The following ZHX3 variants were observed in gnomAD, a reference collection of about 807,000 sequenced individuals.
ZHX3 encodes zinc fingers and homeoboxes protein 3.
In ZHX3, 20 loss-of-function variants were observed where a neutral mutation model predicts 64.5. That is an observed-to-expected ratio of 0.31 (90% CI 0.22 to 0.45). The LOEUF is 0.45. Among genes scored for constraint, ZHX3 ranks in the 20% least tolerant of loss-of-function variants. The probability of loss-of-function intolerance (pLI) is 1.00; values close to 1 mark genes in which losing one functional copy is unlikely to be tolerated. For missense variants in ZHX3, 1,041 were observed against 1,195.8 expected (o/e 0.87, Z 1.91); for synonymous variants, 423 against 461.6 (o/e 0.92, Z 1.07).
chr20:41,234,651 C>T (rs180724452), intron 2 of ZHX3, among the ~76,000 whole-genome samples: 1 of 152,340 alleles, frequency 6.6e-6, no homozygotes, highest in Admixed American at 6.5e-5. Flanking sequence ...AAGGGAAACC[C>T]AACCCGATTA....
At position 41,184,610 on chromosome 20, in the gene ZHX3, A is replaced by C; in HGVS notation, c.*581T>G. 5.3e-6 allele frequency: 2 copies of C among 379,302 alleles called. No individual in the cohort carries two copies. Among genetic ancestry groups the C allele is most frequent in the Non-Finnish European group, 4.9e-6 (1 of 205,738 alleles). The allele number at this position is 379,302 out of a possible 1,614,324, so 23.5% of individuals were successfully genotyped here. A position where few individuals can be genotyped will look rare whatever the true frequency, so the allele number is the denominator to read the frequency against. On this transcript the variant is annotated 3_prime_UTR_variant, in exon 4 of 4. Transcript: ENST00000683867. Reference sequence around the variant, plus strand: ...GTAGCCGGTCATCACTTAATGCAGCAGAGATCTCTTCAAAGGTACTGCTTC... The same window carrying C: ...GTAGCCGGTCATCACTTAATGCAGCCGAGATCTCTTCAAAGGTACTGCTTC...
intron 3 of ZHX3, among the ~76,000 whole-genome samples, chr20:41,197,719 C>T (rs989961598): frequency 6.6e-6 from 1 of 151,860 alleles, no homozygotes; most frequent in Non-Finnish European, 1.5e-5. Flanking sequence ...TTTAATATGT[C>T]TTATATGTTT....
At chr20:41,267,852 G>A (rs914025824) in intron 2 of ZHX3, among the ~76,000 whole-genome samples, 12 of 152,214 alleles carry the variant, frequency 7.9e-5, no homozygotes, top group Non-Finnish European at 1.3e-4. Context: ...AGACCAGTGT[G>A]ATGAAGCAGT....
chr20:41,272,996 A>C (rs1489298677), intron 1 of ZHX3, among the ~76,000 whole-genome samples: 3 of 152,156 alleles, frequency 2.0e-5, no homozygotes, highest in African/African-American at 7.2e-5. Flanking sequence ...CCACCAGCAA[A>C]GTACAAGGTT....
At chr20:41,217,729 C>T (rs1048923778) in intron 2 of ZHX3, among the ~76,000 whole-genome samples, 1 of 152,182 alleles carries the variant, frequency 6.6e-6, no homozygotes, top group Non-Finnish European at 1.5e-5. Flanking sequence ...TCCTCATAGT[C>T]TCCTGAATTG....
intron 2 of ZHX3, among the ~76,000 whole-genome samples, chr20:41,243,939 T>C (rs779221851): frequency 1.3e-5 from 2 of 151,994 alleles, no homozygotes; most frequent in African/African-American, 2.4e-5. Context: ...TAACAGAAGC[T>C]CTTAAACACA....
Position 41,201,247 on chromosome 20 carries a change from C to G in ZHX3, c.2860+810G>C. On this transcript the variant is annotated intron_variant, in intron 3 of 3. Transcript: ENST00000683867. The surrounding 1 kb of genome is among the most constrained non-coding windows in gnomAD (Gnocchi z 5.0). ...TGCTGCCATTTTGGAACCCCCAATC[C>G]CTTCAGCTTCTACAATACTCCGCCC... is the stretch of plus-strand genomic sequence containing the variant. 7.9e-7 allele frequency: 1 copy of G among 1,264,864 alleles called. No individual in the cohort carries two copies. The highest frequency in any genetic ancestry group is 2.7e-5 in the Admixed American group (1 of 37,696). 78.4% of individuals were successfully genotyped at this position (1,264,864 alleles called of 1,614,324 possible).
At chr20:41,230,570 A>G (rs2040542013) in intron 2 of ZHX3, among the ~76,000 whole-genome samples, 1 of 152,224 alleles carries the variant, frequency 6.6e-6, no homozygotes, top group South Asian at 2.1e-4. Flanking sequence ...TACAGACCAG[A>G]TTTCAAAGAC....
rs117680875 is a variant in ZHX3, at chr20:41,302,907, A to G, written c.-245+14602T>C. On this transcript the variant is annotated intron_variant, in intron 1 of 3. Coordinates refer to ENST00000683867, the MANE Select transcript of ZHX3 (RefSeq NM_001384317.1). ...CTATTACAGTAGCTAGTGTTTCTCTACACAATACAGGCTGAATTAAAATGG... is the reference window on the plus strand; with the variant it reads ...CTATTACAGTAGCTAGTGTTTCTCTGCACAATACAGGCTGAATTAAAATGG... 4.6e-5 allele frequency among the ~76,000 whole-genome samples: 7 copies of G among 152,370 alleles called. No homozygotes were observed. In the East Asian group the frequency reaches 1.2e-3, roughly 25 times the overall value.
intron 1 of ZHX3, among the ~76,000 whole-genome samples, chr20:41,302,202 A>G (rs961031597): frequency 6.6e-6 from 1 of 151,996 alleles, no homozygotes. Flanking sequence ...TCTCACTAGT[A>G]GGGGCTTTGA....
intron 3 of ZHX3, among the ~76,000 whole-genome samples, chr20:41,196,442 A>T (rs1268250787): frequency 7.0e-5 from 4 of 57,028 alleles, no homozygotes; most frequent in Non-Finnish European, 1.2e-4. Context: ...AAATATATAT[A>T]TTATATATAA....
intron 2 of ZHX3, among the ~76,000 whole-genome samples, chr20:41,250,700 T>C (rs1025771659): frequency 6.6e-6 from 1 of 152,158 alleles, no homozygotes; most frequent in African/African-American, 2.4e-5. Flanking sequence ...GGTGAACATA[T>C]CCCAAATAGG....
At chr20:41,194,497 C>G (rs1020610326) in intron 3 of ZHX3, among the ~76,000 whole-genome samples, 2 of 151,836 alleles carry the variant, frequency 1.3e-5, no homozygotes, top group African/African-American at 4.8e-5. Context: ...ATTTTTGTAT[C>G]TATATTCATA....
intron 2 of ZHX3, among the ~76,000 whole-genome samples, chr20:41,264,125 T>C (rs954712462): frequency 4.6e-5 from 7 of 151,870 alleles, no homozygotes; most frequent in Admixed American, 6.6e-5. Flanking sequence ...ATCAAATAAC[T>C]AGGCCAGGCG....
intron 1 of ZHX3, among the ~76,000 whole-genome samples, chr20:41,279,894 G>C (rs1006592123): frequency 6.6e-6 from 1 of 152,198 alleles, no homozygotes. Flanking sequence ...AGTGAAGCTG[G>C]ATGTAGAAGT....
rs894897431 is a variant in ZHX3 at position 41,241,541 on chromosome 20, G to C, written c.-151+27449C>G. ...GATTCCATTTGTTCATTTTTGCTTTGGTTGCCTGTGCTTGTCCAGGTATTA... is the reference window on the plus strand; with the variant it reads ...GATTCCATTTGTTCATTTTTGCTTTCGTTGCCTGTGCTTGTCCAGGTATTA... On this transcript the variant is annotated intron_variant, in intron 2 of 3. Coordinates refer to ENST00000683867, the MANE Select transcript of ZHX3 (RefSeq NM_001384317.1). 2.6e-5 allele frequency among the ~76,000 whole-genome samples: 4 copies of C among 152,226 alleles called. No individual in the cohort carries two copies. The East Asian group carries it at 7.7e-4, about 29-fold the overall frequency.
intron 3 of ZHX3, among the ~76,000 whole-genome samples, chr20:41,193,664 TTG>T (rs142117067): frequency 0.072 from 10,988 of 151,826 alleles, 434 homozygotes; most frequent in Middle Eastern, 0.17. Flanking sequence ...TTAACTATTT[TTG>T]TGTGTGTGTG....
At chr20:41,196,465 T>TATATATTTATATATTATA (rs2037611198) in intron 3 of ZHX3, among the ~76,000 whole-genome samples, 1 of 43,684 alleles carries the variant, frequency 2.3e-5, no homozygotes, top group Non-Finnish European at 3.7e-5. Context: ...TATTTATATA[T>TATATATTTATATATTATA]AATATATATT....
chr20:41,301,898 C>T (rs908760370), intron 1 of ZHX3, among the ~76,000 whole-genome samples: 2 of 151,070 alleles, frequency 1.3e-5, no homozygotes, highest in African/African-American at 4.9e-5. Context: ...ACTAAAAATA[C>T]AAAAAATTAG....
Sources: allele counts gnomAD v4.1 joint callset (sites outside exome capture counted in the v4.1 genomes callset), GRCh38; gene constraint gnomAD v4.1.1; non-coding constraint Gnocchi (gnomAD v3.1); transcripts MANE v1.5; gene names NCBI Gene and HGNC (gene_info 2026-07-23, HGNC 2026-07-21).